Variants in PTPRD observed in about 807,000 individuals in gnomAD.
PTPRD encodes protein tyrosine phosphatase receptor type D, also known as receptor-type tyrosine-protein phosphatase delta.
A neutral mutation model predicts 214.5 loss-of-function variants in PTPRD; 34 were observed. The ratio of observed to expected loss-of-function variants is 0.16; its 90% confidence interval spans 0.12 to 0.21. The LOEUF (loss-of-function observed/expected upper bound fraction) is 0.21, where lower values mean the gene tolerates loss of function less well. Ranked by LOEUF, PTPRD falls within the 10% of genes least tolerant of loss-of-function variation. The pLI, the probability that PTPRD is intolerant of heterozygous loss-of-function variation, is 1.00. For missense variants in PTPRD, 2,545 were observed against 2,398.7 expected (o/e 1.06, Z -1.27); for synonymous variants, 1,128 against 845.7 (o/e 1.33, Z -5.79).
chr9:9,541,777 G>A (rs973075126), intron 8 of PTPRD, among the ~76,000 whole-genome samples: 8 of 151,916 alleles, frequency 5.3e-5, no homozygotes, highest in Admixed American at 2.6e-4. Context: ...TATTTCCAGA[G>A]TAAGTCAGTG....
At position 9,600,513 on chromosome 9, in the gene PTPRD, T is replaced by C. The variant is rs181507569; in HGVS notation, c.-286-25732A>G. 1.1e-3 allele frequency among the ~76,000 whole-genome samples: 167 copies of C among 152,196 alleles called. 4 individuals carry two copies. Among genetic ancestry groups the C allele is most frequent in the Admixed American group, 0.01 (153 of 15,260 alleles). On this transcript the variant is annotated intron_variant, in intron 7 of 45. Transcript: ENST00000381196. Reference sequence around the variant, plus strand: ...ACTGGCATGTGAAGACAGCCATTTATTTTGGTTTAAAAAGTGTCTTACGAG... The same window carrying C: ...ACTGGCATGTGAAGACAGCCATTTACTTTGGTTTAAAAAGTGTCTTACGAG...
At chr9:9,182,928 G>A (rs148515127) in intron 10 of PTPRD, among the ~76,000 whole-genome samples, 1 of 151,854 alleles carries the variant, frequency 6.6e-6, no homozygotes, top group Non-Finnish European at 1.5e-5. Context: ...ACCACCGAGG[G>A]CTAATAATTT....
intron 36 of PTPRD, among the ~76,000 whole-genome samples, chr9:8,397,386 G>T (rs1029374849): frequency 6.6e-6 from 1 of 152,116 alleles, no homozygotes; most frequent in Non-Finnish European, 1.5e-5. Flanking sequence ...ACTTCACATG[G>T]AACATTTATA....
chr9:8,838,105 A>G (rs1601489031), intron 11 of PTPRD, among the ~76,000 whole-genome samples: 1 of 152,318 alleles, frequency 6.6e-6, no homozygotes, highest in East Asian at 1.9e-4. Context: ...AGAGGGGTCC[A>G]GCATAATAAA....
At chr9:10,575,017 G>A (rs1172405719) in intron 2 of PTPRD, among the ~76,000 whole-genome samples, 1 of 151,436 alleles carries the variant, frequency 6.6e-6, no homozygotes, top group Non-Finnish European at 1.5e-5. Flanking sequence ...CATCAGGAAA[G>A]ATACAAAAAC....
chr9:9,085,435 G>C (rs1032125373), intron 10 of PTPRD, among the ~76,000 whole-genome samples: 1 of 152,096 alleles, frequency 6.6e-6, no homozygotes, highest in South Asian at 2.1e-4. Flanking sequence ...AGCTTTGACG[G>C]GTACTAATGG....
intron 30 of PTPRD, among the ~76,000 whole-genome samples, chr9:8,481,600 C>G (rs528389643): frequency 2.0e-5 from 3 of 152,150 alleles, no homozygotes; most frequent in South Asian, 2.1e-4. Flanking sequence ...CTCAGTTCTC[C>G]TGTTAGATTT....
intron 4 of PTPRD, among the ~76,000 whole-genome samples, chr9:10,020,491 C>T (rs1350158550): frequency 8.1e-6 from 1 of 123,778 alleles, no homozygotes; most frequent in East Asian, 2.3e-4. Context: ...TTAGTAGAGA[C>T]GGGGTTTCAC....
intron 9 of PTPRD, among the ~76,000 whole-genome samples, chr9:9,269,081 G>A (rs1045904732): frequency 1.3e-5 from 2 of 150,884 alleles, no homozygotes; most frequent in African/African-American, 2.4e-5. Flanking sequence ...GAAATCTACG[G>A]AATGGGAAAA....
intron 10 of PTPRD, among the ~76,000 whole-genome samples, chr9:9,101,412 T>C (rs1330054003): frequency 6.6e-6 from 1 of 152,150 alleles, no homozygotes; most frequent in African/African-American, 2.4e-5. Context: ...AATACACCTG[T>C]ACAGATACGA....
At chr9:10,187,011 A>T (rs1245711217) in intron 3 of PTPRD, among the ~76,000 whole-genome samples, 1 of 152,182 alleles carries the variant, frequency 6.6e-6, no homozygotes, top group Non-Finnish European at 1.5e-5. Flanking sequence ...TTTACAGAGC[A>T]TAACAGGAGA....
chr9:8,481,638 T>A (rs190475430), intron 30 of PTPRD, among the ~76,000 whole-genome samples: 76 of 152,324 alleles, frequency 5.0e-4, no homozygotes, highest in Middle Eastern at 3.4e-3. Context: ...TGTCCTCTAC[T>A]GGCTCTCTTC....
At chr9:8,722,519 A>T (rs1253865062) in intron 12 of PTPRD, among the ~76,000 whole-genome samples, 1 of 152,108 alleles carries the variant, frequency 6.6e-6, no homozygotes, top group Non-Finnish European at 1.5e-5. Context: ...TCTTAAATGG[A>T]AGAAGTTTAC....
chr9:10,181,165 G>T (rs755553836), intron 3 of PTPRD, among the ~76,000 whole-genome samples: 8 of 151,926 alleles, frequency 5.3e-5, no homozygotes, highest in Non-Finnish European at 8.8e-5. Flanking sequence ...GACAATTCAG[G>T]ATAGTCATCT....
At chr9:8,451,572 C>T (rs369111867) in intron 33 of PTPRD, among the ~76,000 whole-genome samples, 53 of 152,288 alleles carry the variant, frequency 3.5e-4, no homozygotes, top group African/African-American at 1.2e-3. Context: ...TATGGGTCTT[C>T]GCCTCACCAC....
intron 11 of PTPRD, among the ~76,000 whole-genome samples, chr9:8,812,961 A>C (rs184820177): frequency 1.3e-5 from 2 of 152,190 alleles, no homozygotes; most frequent in East Asian, 3.9e-4. Flanking sequence ...AGCAAGACAC[A>C]ATTTATATTC....
chr9:10,132,468 G>A (rs895802199), intron 3 of PTPRD, among the ~76,000 whole-genome samples: 2 of 151,838 alleles, frequency 1.3e-5, no homozygotes, highest in African/African-American at 4.9e-5. Flanking sequence ...GGAATGAGGA[G>A]ATCCAAATAT....
At chr9:8,647,266 G>A (rs924371064) in intron 12 of PTPRD, among the ~76,000 whole-genome samples, 1 of 152,164 alleles carries the variant, frequency 6.6e-6, no homozygotes, top group African/African-American at 2.4e-5. Flanking sequence ...TAAGTAAAAT[G>A]ACTTTACTCT....
At chr9:10,188,889 T>C (rs1223200606) in intron 3 of PTPRD, among the ~76,000 whole-genome samples, 2 of 152,208 alleles carry the variant, frequency 1.3e-5, no homozygotes, top group African/African-American at 4.8e-5. Flanking sequence ...AACACAATAA[T>C]TGTATGATTC....
Sources: allele counts gnomAD v4.1 joint callset (sites outside exome capture counted in the v4.1 genomes callset), GRCh38; gene constraint gnomAD v4.1.1; transcripts MANE v1.5; gene names NCBI Gene and HGNC (gene_info 2026-07-23, HGNC 2026-07-21).